Variants in CNTLN observed in about 807,000 individuals in gnomAD.
CNTLN encodes the protein centlein, centrosomal protein.
Under a neutral mutation model 180.0 loss-of-function variants are expected in CNTLN, and 212 were observed. The ratio of observed to expected loss-of-function variants is 1.18; its 90% CI spans 1.05 to 1.32. The LOEUF is 1.32. Ranked by LOEUF, CNTLN falls within the 40% of genes most tolerant of loss-of-function variation. The probability of loss-of-function intolerance (pLI) is 0.00; values close to 1 mark genes in which losing one functional copy is unlikely to be tolerated. For missense variants in CNTLN, 2,095 were observed against 1,610.9 expected, an observed-to-expected ratio of 1.30 and a Z score of -5.14; for synonymous variants, 722 against 563.1, an observed-to-expected ratio of 1.28 and a Z score of -3.99.
chr9:17,341,908 A>T (rs1019358401), intron 11 of CNTLN, among the ~76,000 whole-genome samples: 1 of 152,162 alleles, frequency 6.6e-6, no homozygotes, highest in African/African-American at 2.4e-5. Context: ...ACTTTCTGAC[A>T]TATTCACTGG....
intron 2 of CNTLN, among the ~76,000 whole-genome samples, chr9:17,144,926 C>T (rs1818349217): frequency 6.6e-6 from 1 of 150,564 alleles, no homozygotes; most frequent in Non-Finnish European, 1.5e-5. Context: ...ACTGCAAGCT[C>T]CGCTTCCCGG....
At chr9:17,187,958 T>C (rs1460784222) in intron 2 of CNTLN, among the ~76,000 whole-genome samples, 1 of 150,372 alleles carries the variant, frequency 6.7e-6, no homozygotes, top group African/African-American at 2.4e-5. Flanking sequence ...TAATTTAATA[T>C]TTATATACTC....
chr9:17,210,674 C>A (rs922895532), intron 2 of CNTLN, among the ~76,000 whole-genome samples: 20 of 152,174 alleles, frequency 1.3e-4, no homozygotes, highest in African/African-American at 4.8e-4. Flanking sequence ...ACAGTCCCAC[C>A]AATAGTGTAA....
chr9:17,165,442 G>T (rs1262066256), intron 2 of CNTLN, among the ~76,000 whole-genome samples: 4 of 152,104 alleles, frequency 2.6e-5, no homozygotes, highest in Non-Finnish European at 5.9e-5. Context: ...ATTGATAAGT[G>T]GTAACTGACT....
intron 18 of CNTLN, among the ~76,000 whole-genome samples, chr9:17,431,639 T>C (rs1211437178): frequency 6.6e-6 from 1 of 152,084 alleles, no homozygotes; most frequent in Admixed American, 6.6e-5. Flanking sequence ...AAGTGTTTTT[T>C]CCCAGTGTTT....
intron 12 of CNTLN, 131 bp downstream of exon 12, chr9:17,342,575 A>T (rs2133218271): frequency 2.8e-6 from 2 of 711,674 alleles, no homozygotes; most frequent in East Asian, 2.9e-5. Flanking sequence ...AAAGTAAAGA[A>T]AAAAAGACTA....
At chr9:17,374,687 C>A (rs907367248) in intron 13 of CNTLN, among the ~76,000 whole-genome samples, 1 of 151,988 alleles carries the variant, frequency 6.6e-6, no homozygotes, top group Non-Finnish European at 1.5e-5. Flanking sequence ...TGGTGAAACT[C>A]CATCTCTCCT....
intron 23 of CNTLN, among the ~76,000 whole-genome samples, chr9:17,468,051 T>A (rs1322303220): frequency 1.3e-5 from 2 of 151,846 alleles, no homozygotes; most frequent in South Asian, 4.1e-4. Flanking sequence ...CATAGGATAC[T>A]ACACAGCCAT....
chr9:17,327,201 A>G (rs566301885), intron 8 of CNTLN, among the ~76,000 whole-genome samples: 14 of 149,022 alleles, frequency 9.4e-5, no homozygotes, highest in South Asian at 4.2e-4. Flanking sequence ...TGACAAAAAT[A>G]TAGTAGTTAA....
At chr9:17,343,436 A>C (rs147403395) in intron 12 of CNTLN, among the ~76,000 whole-genome samples, 1 of 152,142 alleles carries the variant, frequency 6.6e-6, no homozygotes, top group African/African-American at 2.4e-5. Context: ...ATACTACATG[A>C]TAACATGTAT....
intron 15 of CNTLN, among the ~76,000 whole-genome samples, chr9:17,408,627 C>G (rs1027924808): frequency 6.6e-6 from 1 of 151,948 alleles, no homozygotes; most frequent in Non-Finnish European, 1.5e-5. Flanking sequence ...CAGTGAAACC[C>G]TATCTCTACT....
chr9:17,411,124 A>G (rs904639258), intron 16 of CNTLN, among the ~76,000 whole-genome samples: 1 of 152,180 alleles, frequency 6.6e-6, no homozygotes, highest in Admixed American at 6.5e-5. Context: ...CAGACCAGCT[A>G]GGTACCTCAG....
intron 4 of CNTLN, 93 bp from the exon 5 acceptor site, chr9:17,236,316 C>A: frequency 9.3e-7 from 1 of 1,080,956 alleles, no homozygotes; most frequent in Non-Finnish European, 1.3e-6. Context: ...GGTAAAACTG[C>A]ACAGTTTGTA....
chr9:17,521,828 T>G, the CNTLN span, among the ~76,000 whole-genome samples: 1 of 152,224 alleles, frequency 6.6e-6, no homozygotes, highest in African/African-American at 2.4e-5. Flanking sequence ...CCTGAAAAAT[T>G]AATTACTAAC....
chr9:17,336,967 C>G (rs1821087415), intron 10 of CNTLN, among the ~76,000 whole-genome samples: 1 of 152,220 alleles, frequency 6.6e-6, no homozygotes. Flanking sequence ...CACATCCTCT[C>G]TAGCATTTGT....
intron 12 of CNTLN, among the ~76,000 whole-genome samples, chr9:17,359,848 C>T (rs1347545065): frequency 1.3e-5 from 2 of 150,408 alleles, no homozygotes; most frequent in Non-Finnish European, 3.0e-5. Flanking sequence ...TGCAGTGAGC[C>T]GAGATCTTGC....
chr9:17,403,719 C>T lies in CNTLN; in HGVS notation c.2616-5574C>T, dbSNP rs548012538. On this transcript the variant is annotated intron_variant, in intron 15 of 25. Coordinates refer to ENST00000380647, the MANE Select transcript of CNTLN (RefSeq NM_017738.4). ...CTTGATCTCAACCTTGGAGGTAGGACTGGGAGGTAGGGAGGTGGCCTAGTC... is the reference window on the plus strand; with the variant it reads ...CTTGATCTCAACCTTGGAGGTAGGATTGGGAGGTAGGGAGGTGGCCTAGTC... Among the ~76,000 whole-genome samples the T allele has an allele frequency of 3.3e-4, 50 of 151,756 alleles. 2 individuals carry two copies. Among genetic ancestry groups the T allele is most frequent in the African/African-American group, 1.2e-3 (49 of 41,164 alleles).
At chr9:17,488,440 A>G (rs1344121248) in intron 25 of CNTLN, among the ~76,000 whole-genome samples, 2 of 152,186 alleles carry the variant, frequency 1.3e-5, no homozygotes, top group Non-Finnish European at 2.9e-5. Flanking sequence ...CAACTTGAAA[A>G]TGATAAAAAT....
intron 8 of CNTLN, 45 bp from the exon 9 acceptor site, chr9:17,330,587 G>C (rs1820578381): frequency 2.0e-6 from 2 of 1,010,584 alleles, no homozygotes; most frequent in Non-Finnish European, 2.9e-6. Context: ...AATAATGTAA[G>C]ATACAAACAT....
Sources: gnomAD v4.1 joint callset for allele counts (sites outside exome capture counted in the v4.1 genomes callset) on GRCh38, gnomAD v4.1.1 for gene constraint, MANE v1.5 for transcripts, NCBI Gene and HGNC (gene_info 2026-07-23, HGNC 2026-07-21) for gene names.